Variants in EGFL7 observed in about 807,000 individuals in gnomAD.
EGFL7 encodes the protein EGF like domain multiple 7, also known as epidermal growth factor-like protein 7.
Under a neutral mutation model 37.1 loss-of-function variants are expected in EGFL7, and 48 were observed. That is an observed-to-expected ratio of 1.29 (90% confidence interval 1.03 to 1.65). The LOEUF is 1.65. Among genes scored for constraint, EGFL7 ranks in the 40% most tolerant of loss-of-function variants. The pLI is 0.00. For missense variants in EGFL7, 384 were observed against 378.9 expected (o/e 1.01, Z -0.11); for synonymous variants, 180 against 156.8 (o/e 1.15, Z -1.10).
upstream of EGFL7, among the ~76,000 whole-genome samples, chr9:136,662,526 G>A (rs1435459294): frequency 6.6e-6 from 1 of 152,176 alleles, no homozygotes; most frequent in Non-Finnish European, 1.5e-5. Context: ...TGTCCTGGGG[G>A]AGGGCCCAGC....
intron 7 of EGFL7, 21 bp from the exon 8 acceptor site, chr9:136,670,148 C>G: frequency 6.2e-7 from 1 of 1,612,628 alleles, no homozygotes; most frequent in African/African-American, 1.3e-5. Context: ...GCATGGCCGC[C>G]TGACACCCCG....
Position 136,668,644 on chromosome 9 carries a change from C to G in EGFL7, c.168C>G (p.Cys56Trp). 2 of 1,604,632 alleles carry G rather than the reference C, an allele frequency of 1.2e-6. No individual in the cohort carries two copies. Among genetic ancestry groups the G allele is most frequent in the Admixed American group, 1.7e-5 (1 of 60,008 alleles). ...TGTACCAGCCCTTCCTCACCACCTG[C>G]GACGGGCACCGGGCCTGCAGCACCT... Reference protein sequence around the residue: ...QRVYQPFLTTCDGHRACSTYR... With the variant: ...QRVYQPFLTTWDGHRACSTYR... The change falls in exon 5 of 11, where the codon TGC becomes TGG. Residue 56 changes from cysteine (C) to tryptophan (W), a missense_variant. By Grantham distance (215) the Cys-to-Trp change is radical (BLOSUM62 -2). Coordinates refer to ENST00000308874, the MANE Select transcript of EGFL7 (RefSeq NM_016215.5).
At position 136,672,219 on chromosome 9, in the gene EGFL7, C is replaced by A; in HGVS notation, c.800-45C>A. ...AGTCAGATCTAGCTGGGCGGGGAGGCTGTGGGGAGCAGTGATCTCTGACCT... is the reference window on the plus strand; with the variant it reads ...AGTCAGATCTAGCTGGGCGGGGAGGATGTGGGGAGCAGTGATCTCTGACCT... On this transcript the variant is annotated intron_variant, in intron 10 of 10. Transcript: ENST00000308874. 3.1e-6 allele frequency: 5 copies of A among 1,613,110 alleles called. No homozygotes were observed. The South Asian group carries it at 5.5e-5, about 18-fold the overall frequency.
At position 136,670,009 on chromosome 9, in the gene EGFL7, G is replaced by GAT; in HGVS notation, c.409_409+1insAT (p.Val138MetfsTer60). ...ATGGCGGGGTGACACTTGCCAGTCA[G>GAT]GTGAGGCTGGCTCTACCCTGGGGGG... On this transcript the variant is annotated frameshift_variant and splice_region_variant. Coordinates refer to ENST00000308874, the MANE Select transcript of EGFL7 (RefSeq NM_016215.5). LOFTEE classifies it high-confidence loss of function. 6 of 1,593,958 alleles carry GAT rather than the reference G, an allele frequency of 3.8e-6. No homozygotes were observed. The African/African-American group carries it at 4.0e-5, about 11-fold the overall frequency.
rs913195890 is a variant in EGFL7 at position 136,669,475 on chromosome 9, A to G, written c.198-131A>G. 1.4e-5 allele frequency: 9 copies of G among 659,886 alleles called. No individual in the cohort carries two copies. The African/African-American group carries it at 1.4e-4, about 11-fold the overall frequency. 40.9% of individuals were successfully genotyped at this position (659,886 alleles called of 1,614,324 possible). A position where few individuals can be genotyped will look rare whatever the true frequency, so the allele number is the denominator to read the frequency against. On this transcript the variant is annotated intron_variant, in intron 5 of 10. Coordinates refer to ENST00000308874, the MANE Select transcript of EGFL7 (RefSeq NM_016215.5). ...GGCTGTGCAGTGACCCCTCAGTGCC[A>G]TCCCTTGAGGAGAAGACCCTTGGGG...
At chr9:136,670,914 G>C (rs751134885) in intron 8 of EGFL7, 36 bp from the exon 9 acceptor site, 2 of 1,543,822 alleles carry the variant, frequency 1.3e-6, no homozygotes, top group Non-Finnish European at 1.8e-6. Context: ...GTGGGGAGCC[G>C]GCCGGCCGTG....
chr9:136,670,836 C>T, intron 8 of EGFL7, 114 bp from the exon 9 acceptor site: 1 of 1,018,620 alleles, frequency 9.8e-7, no homozygotes, highest in Non-Finnish European at 1.5e-6. Context: ...GCGGGGGCGG[C>T]AGAGGCCTGG....
intron 6 of EGFL7, 73 bp downstream of exon 6, chr9:136,669,794 T>C: frequency 6.9e-7 from 1 of 1,453,290 alleles, no homozygotes; most frequent in Non-Finnish European, 9.3e-7. Context: ...ACGCTCCTGC[T>C]GCTTTTCTTG....
At chr9:136,671,569 C>A (rs968665305) in intron 9 of EGFL7, among the ~76,000 whole-genome samples, 2 of 151,810 alleles carry the variant, frequency 1.3e-5, no homozygotes, top group Admixed American at 6.6e-5. Context: ...GCTTGACAGC[C>A]CCCCAGACAA....
chr9:136,669,378 T>G (rs1845688629), intron 5 of EGFL7, among the ~76,000 whole-genome samples: 1 of 152,216 alleles, frequency 6.6e-6, no homozygotes, highest in Non-Finnish European at 1.5e-5. Flanking sequence ...CTCTGCTCCA[T>G]GCGGAGTGTG....
At position 136,669,957 on chromosome 9, in the gene EGFL7, G is replaced by A; in HGVS notation, c.357G>A (p.Gln119=). 1 of 1,605,744 alleles carries A rather than the reference G, an allele frequency of 6.2e-7. No homozygotes were observed. ...GCCGGAACGGAGGGAGCTGTGTCCA[G>A]CCTGGCCGCTGCCGCTGCCCTGCAG... ...PPCRNGGSCV[Q]PGRCRCPAGW... The change falls in exon 7 of 11, where the codon CAG becomes CAA. Residue 119 remains glutamine, a synonymous_variant. Transcript: ENST00000308874.
Position 136,666,017 on chromosome 9 carries a change from G to A in EGFL7, c.-43+1232G>A, listed in dbSNP as rs1211733408. Among the ~76,000 whole-genome samples the A allele has an allele frequency of 6.8e-6, 1 of 146,188 alleles. No individual in the cohort carries two copies. The highest frequency in any genetic ancestry group is 1.5e-5 in the Non-Finnish European group (1 of 65,754). On this transcript the variant is annotated intron_variant, in intron 3 of 10. Transcript: ENST00000308874. This position sits in a 1 kb window ranked among gnomAD's most constrained non-coding sequence, Gnocchi z 6.8. ...GGCGCCCGCGGCTGGGTCGGGCCGG[G>A]CCGGGAGAATGGGCCCAGCGGCCCC...
intron 9 of EGFL7, among the ~76,000 whole-genome samples, chr9:136,671,302 G>A (rs974740089): frequency 1.4e-5 from 2 of 141,288 alleles, no homozygotes; most frequent in Non-Finnish European, 3.2e-5. Flanking sequence ...GGCAGTCCAG[G>A]GTGGACCTGC....
chr9:136,672,222 T>C, intron 10 of EGFL7, 42 bp from the exon 11 acceptor site: 5 of 1,613,112 alleles, frequency 3.1e-6, no homozygotes, highest in Non-Finnish European at 3.4e-6. Context: ...GGGGAGGCTG[T>C]GGGGAGCAGT....
At chr9:136,670,927 C>T in intron 8 of EGFL7, 23 bp from the exon 9 acceptor site, 1 of 1,552,930 alleles carries the variant, frequency 6.4e-7, no homozygotes, top group Non-Finnish European at 8.7e-7. Flanking sequence ...CGGCCGTGAC[C>T]CAGCGCCTGG....
chr9:136,668,504 T>C, intron 4 of EGFL7, 53 bp from the exon 5 acceptor site: 1 of 1,578,078 alleles, frequency 6.3e-7, no homozygotes, highest in South Asian at 1.1e-5. Context: ...GTTCCCATCA[T>C]TCTTGGGTCC....
intron 9 of EGFL7, among the ~76,000 whole-genome samples, chr9:136,671,567 G>GT (rs1554753185): frequency 2.0e-5 from 3 of 151,342 alleles, no homozygotes; most frequent in Non-Finnish European, 3.0e-5. Flanking sequence ...AAGCTTGACA[G>GT]CCCCCCAGAC....
chr9:136,660,962 C>T (rs998425323), upstream of EGFL7, among the ~76,000 whole-genome samples: 9 of 152,138 alleles, frequency 5.9e-5, no homozygotes, highest in African/African-American at 2.2e-4. Flanking sequence ...GTCCTTCCAC[C>T]AGGAGGCCAG....
At position 136,670,154 on chromosome 9, in the gene EGFL7, CCCCG is replaced by C; in HGVS notation, c.410-14_410-11del. On this transcript the variant is annotated splice_polypyrimidine_tract_variant and intron_variant, in intron 7 of 10. Transcript: ENST00000308874. ...CTCCCGCAGGCATGGCCGCCTGACA[CCCCG>C]TTTCCTGCAGATGTGGATGAATGCA... is the stretch of plus-strand genomic sequence containing the variant. The C allele has an allele frequency of 6.2e-7, 1 of 1,612,644 alleles. No homozygotes were observed. The highest frequency in any genetic ancestry group is 1.3e-5 in the African/African-American group (1 of 75,058).
Sources: allele counts gnomAD v4.1 joint callset (sites outside exome capture counted in the v4.1 genomes callset), GRCh38; gene constraint gnomAD v4.1.1; non-coding constraint Gnocchi (gnomAD v3.1); transcripts MANE v1.5; gene names NCBI Gene and HGNC (gene_info 2026-07-23, HGNC 2026-07-21).